XKR6: variants seen among roughly 807,000 people sequenced by gnomAD.
XKR6 encodes XK-related protein 6.
XKR6 carries 22 observed loss-of-function variants against 56.7 expected under a neutral mutation model. The observed-to-expected ratio is 0.39, with a 90% CI of 0.28 to 0.55. The LOEUF (loss-of-function observed/expected upper bound fraction) is 0.55. XKR6 is among the 20% of genes least tolerant of loss of function. The pLI is 0.66. For missense variants in XKR6, 852 were observed against 889.0 expected, an observed-to-expected ratio of 0.96 and a Z score of 0.53; for synonymous variants, 524 against 387.8, an observed-to-expected ratio of 1.35 and a Z score of -4.13.
intron 1 of XKR6, among the ~76,000 whole-genome samples, chr8:11,055,975 G>A (rs1189810740): frequency 1.3e-5 from 2 of 152,182 alleles, no homozygotes; most frequent in African/African-American, 4.8e-5. Context: ...CCTGTCTGAA[G>A]GCCCCCTCCC....
intron 1 of XKR6, among the ~76,000 whole-genome samples, chr8:11,008,753 C>T (rs865933386): frequency 6.6e-6 from 1 of 152,074 alleles, no homozygotes; most frequent in Admixed American, 6.6e-5. Context: ...GGACACATGT[C>T]TGGGCTGAGT....
intron 1 of XKR6, among the ~76,000 whole-genome samples, chr8:10,925,738 G>T (rs1800863310): frequency 6.6e-6 from 1 of 152,198 alleles, no homozygotes; most frequent in Non-Finnish European, 1.5e-5. Context: ...GAGCATCGCA[G>T]GGTGCATGGG....
At chr8:11,197,885 C>T (rs1366806685) in intron 1 of XKR6, among the ~76,000 whole-genome samples, 1 of 152,146 alleles carries the variant, frequency 6.6e-6, no homozygotes, top group Non-Finnish European at 1.5e-5. Flanking sequence ...TCTGTCCAAG[C>T]TATAACCAAA....
Position 11,200,543 on chromosome 8 carries a change from G to C in XKR6, c.764+33C>G. On this transcript the variant is annotated intron_variant, in intron 1 of 2. Transcript: ENST00000416569. The surrounding 1 kb of genome is among the most constrained non-coding windows in gnomAD (Gnocchi z 6.4). ...GGGAGGGCGGAGGGGGGCTCCTCAG[G>C]GCCGGCCCGCCCCCACCCCGCAGTG... 3 of 1,434,396 alleles carry C rather than the reference G, an allele frequency of 2.1e-6. No individual in the cohort carries two copies. The highest frequency in any genetic ancestry group is 2.7e-6 in the Non-Finnish European group (3 of 1,103,472). The allele number at this position is 1,434,396 out of a possible 1,614,324, so 88.9% of individuals were successfully genotyped here. A position where few individuals can be genotyped will look rare whatever the true frequency, so the allele number is the denominator to read the frequency against.
rs147361457 is a variant in XKR6 at position 11,058,157 on chromosome 8, G to T, written c.765-133327C>A. On this transcript the variant is annotated intron_variant, in intron 1 of 2. Coordinates refer to ENST00000416569, the MANE Select transcript of XKR6 (RefSeq NM_173683.4). ...AGCGTGACCCATGTGGGAGGCGGTG[G>T]TATCTTTAAGTCGGAATGGGTGAAT... is the stretch of plus-strand genomic sequence containing the variant. Among the ~76,000 whole-genome samples, 166 of 152,354 alleles carry T rather than the reference G, an allele frequency of 1.1e-3. 2 individuals are homozygous for T. Among genetic ancestry groups the T allele is most frequent in the African/African-American group, 3.8e-3 (160 of 41,584 alleles).
At chr8:11,024,055 C>T (rs972152439) in intron 1 of XKR6, among the ~76,000 whole-genome samples, 7 of 152,150 alleles carry the variant, frequency 4.6e-5, no homozygotes, top group African/African-American at 1.2e-4. Context: ...TGGCACATCC[C>T]GAAGTCTTCC....
chr8:11,167,795 G>A (rs959541595), intron 1 of XKR6, among the ~76,000 whole-genome samples: 1 of 150,926 alleles, frequency 6.6e-6, no homozygotes, highest in Admixed American at 6.6e-5. Flanking sequence ...ATTTGTTTTA[G>A]CTCCTGGCAT....
At chr8:11,098,938 G>A (rs556909481) in intron 1 of XKR6, among the ~76,000 whole-genome samples, 1 of 152,244 alleles carries the variant, frequency 6.6e-6, no homozygotes, top group African/African-American at 2.4e-5. Context: ...GTTCTGAATT[G>A]AGCTCATGTA....
intron 2 of XKR6, among the ~76,000 whole-genome samples, chr8:10,916,252 G>A (rs1256983455): frequency 6.6e-6 from 1 of 152,192 alleles, no homozygotes; most frequent in Non-Finnish European, 1.5e-5. Flanking sequence ...CATTCCTAAG[G>A]AAATGGAATG....
chr8:11,197,824 G>A (rs1385145305), intron 1 of XKR6, among the ~76,000 whole-genome samples: 1 of 152,170 alleles, frequency 6.6e-6, no homozygotes, highest in Non-Finnish European at 1.5e-5. Flanking sequence ...GCAGAGAAGT[G>A]CCCCACTTTA....
At chr8:11,034,088 T>G (rs1305008241) in intron 1 of XKR6, among the ~76,000 whole-genome samples, 1 of 151,980 alleles carries the variant, frequency 6.6e-6, no homozygotes, top group Non-Finnish European at 1.5e-5. Flanking sequence ...CCAAACTAAA[T>G]GAGAAAAAAA....
intron 1 of XKR6, among the ~76,000 whole-genome samples, chr8:11,036,940 G>T (rs535091853): frequency 6.6e-6 from 1 of 152,200 alleles, no homozygotes; most frequent in African/African-American, 2.4e-5. Flanking sequence ...GCTCTGGCGA[G>T]CTCTCTCAGT....
At chr8:11,164,764 T>C (rs1801986787) in intron 1 of XKR6, among the ~76,000 whole-genome samples, 1 of 152,238 alleles carries the variant, frequency 6.6e-6, no homozygotes, top group Non-Finnish European at 1.5e-5. Context: ...ATGTAACTAT[T>C]TCTCAATATC....
At chr8:10,968,414 C>T (rs1395717176) in intron 1 of XKR6, among the ~76,000 whole-genome samples, 1 of 152,248 alleles carries the variant, frequency 6.6e-6, no homozygotes, top group Non-Finnish European at 1.5e-5. Flanking sequence ...CTTCCATTTC[C>T]CTCCAGGTGC....
intron 1 of XKR6, among the ~76,000 whole-genome samples, chr8:11,051,967 C>T (rs1315566910): frequency 6.6e-6 from 1 of 152,160 alleles, no homozygotes; most frequent in East Asian, 1.9e-4. Context: ...CACAGGTATG[C>T]GTGTGCCATG....
chr8:11,059,964 C>T (rs528207875), intron 1 of XKR6, among the ~76,000 whole-genome samples: 1 of 152,356 alleles, frequency 6.6e-6, no homozygotes, highest in South Asian at 2.1e-4. Flanking sequence ...GCTCGCCCAA[C>T]TCAGGGGATT....
At chr8:11,037,545 A>G (rs1799176686) in intron 1 of XKR6, among the ~76,000 whole-genome samples, 1 of 152,134 alleles carries the variant, frequency 6.6e-6, no homozygotes, top group African/African-American at 2.4e-5. Context: ...ATTTCTCAAT[A>G]CTGTGTTACA....
At chr8:10,916,414 G>A (rs185408684) in intron 2 of XKR6, among the ~76,000 whole-genome samples, 70 of 152,224 alleles carry the variant, frequency 4.6e-4, no homozygotes, top group African/African-American at 1.6e-3. Context: ...ATTTAGAGAC[G>A]GTGACAGCTA....
intron 1 of XKR6, among the ~76,000 whole-genome samples, chr8:11,144,762 G>A (rs1359727513): frequency 6.6e-6 from 1 of 151,808 alleles, no homozygotes; most frequent in South Asian, 2.1e-4. Flanking sequence ...CTTCCATTTT[G>A]ACTCCGTAAG....
Sources: gnomAD v4.1 joint callset for allele counts (sites outside exome capture counted in the v4.1 genomes callset) on GRCh38, gnomAD v4.1.1 for gene constraint, Gnocchi (gnomAD v3.1) non-coding constraint, MANE v1.5 for transcripts, NCBI Gene and HGNC (gene_info 2026-07-23, HGNC 2026-07-21) for gene names.